The following BBS9 variants were observed in gnomAD, a reference collection of about 807,000 sequenced individuals.
BBS9 encodes the protein Bardet-Biedl syndrome 9.
BBS9 carries 89 observed loss-of-function variants against 117.7 expected under a neutral mutation model. The ratio of observed to expected loss-of-function variants is 0.76; its 90% CI spans 0.64 to 0.90. The LOEUF is 0.90. BBS9 is among the 40% of genes least tolerant of loss of function. The pLI is 0.00. For missense variants in BBS9, 982 were observed against 1,042.2 expected (o/e 0.94, Z 0.80); for synonymous variants, 379 against 370.9 (o/e 1.02, Z -0.25).
intron 10 of BBS9, among the ~76,000 whole-genome samples, chr7:33,337,538 A>G (rs1452252034): frequency 6.6e-6 from 1 of 152,070 alleles, no homozygotes; most frequent in Non-Finnish European, 1.5e-5. Flanking sequence ...GAGATAATAT[A>G]TTTTTAAAAT....
Position 33,460,438 on chromosome 7 carries a change from G to C in BBS9, c.2116-45025G>C, listed in dbSNP as rs1256188973. ...TTTTTAAACCATTTTAGGTACAAGGGAAAATAATTTTGATTTTAAAATGAA... is the reference window on the plus strand; with the variant it reads ...TTTTTAAACCATTTTAGGTACAAGGCAAAATAATTTTGATTTTAAAATGAA... On this transcript the variant is annotated intron_variant, in intron 19 of 22. Transcript: ENST00000242067. Among the ~76,000 whole-genome samples the C allele has an allele frequency of 2.6e-5, 4 of 151,804 alleles. No homozygotes were observed. In the East Asian group the frequency reaches 7.7e-4, roughly 29 times the overall value.
intron 21 of BBS9, among the ~76,000 whole-genome samples, chr7:33,590,310 C>G (rs192035077): frequency 9.9e-4 from 150 of 152,180 alleles, no homozygotes; most frequent in Non-Finnish European, 2.0e-3. Flanking sequence ...GAAGAAAATG[C>G]TGGCATGAAA....
intron 21 of BBS9, among the ~76,000 whole-genome samples, chr7:33,588,631 C>T (rs1861356341): frequency 6.6e-6 from 1 of 152,070 alleles, no homozygotes; most frequent in Non-Finnish European, 1.5e-5. Context: ...GTAGTAAGTG[C>T]TAATGTTAAG....
chr7:33,247,277 T>C (rs1795487730), intron 5 of BBS9, among the ~76,000 whole-genome samples: 1 of 152,178 alleles, frequency 6.6e-6, no homozygotes, highest in African/African-American at 2.4e-5. Flanking sequence ...TTATATTTAA[T>C]CCTTATTGCA....
chr7:33,132,828 T>G (rs1184193383), intron 1 of BBS9, among the ~76,000 whole-genome samples: 1 of 152,184 alleles, frequency 6.6e-6, no homozygotes, highest in East Asian at 1.9e-4. Context: ...TATGGCTAAT[T>G]TTTCATTTTC....
intron 19 of BBS9, among the ~76,000 whole-genome samples, chr7:33,406,420 T>C (rs2128806728): frequency 6.6e-6 from 1 of 152,274 alleles, no homozygotes; most frequent in Non-Finnish European, 1.5e-5. Context: ...AATTGGAGCA[T>C]TTAGTCCATT....
downstream of BBS9, among the ~76,000 whole-genome samples, chr7:33,610,282 TGTAA>T (rs1025903154): frequency 2.6e-5 from 4 of 152,098 alleles, no homozygotes; most frequent in African/African-American, 7.2e-5. Context: ...GGGCAGATTT[TGTAA>T]GTGTCTTATT....
chr7:33,408,390 C>T (rs559340559), intron 19 of BBS9, among the ~76,000 whole-genome samples: 4 of 152,268 alleles, frequency 2.6e-5, no homozygotes, highest in South Asian at 2.1e-4. Context: ...TTGCACTTCC[C>T]GAGTGAGGCA....
intron 3 of BBS9, among the ~76,000 whole-genome samples, chr7:33,153,637 G>A (rs1793680237): frequency 6.6e-6 from 1 of 152,108 alleles, no homozygotes. Context: ...ATTGGCCCCA[G>A]GGGCCATTTA....
chr7:33,229,865 C>G (rs1382623948), intron 5 of BBS9, among the ~76,000 whole-genome samples: 1 of 152,158 alleles, frequency 6.6e-6, no homozygotes, highest in Non-Finnish European at 1.5e-5. Context: ...TATCAATTTA[C>G]ATTTCCACCA....
chr7:33,589,965 C>T (rs910915634), intron 21 of BBS9, among the ~76,000 whole-genome samples: 2 of 151,990 alleles, frequency 1.3e-5, no homozygotes, highest in African/African-American at 4.8e-5. Context: ...AGAGAAGGAA[C>T]CAGCAAAGAA....
chr7:33,313,755 C>T (rs1312233232), intron 9 of BBS9, among the ~76,000 whole-genome samples: 1 of 152,182 alleles, frequency 6.6e-6, no homozygotes, highest in Non-Finnish European at 1.5e-5. Context: ...CCATGTCCCT[C>T]TCATTAAGTA....
At chr7:33,515,448 C>A (rs1847613009) in intron 20 of BBS9, among the ~76,000 whole-genome samples, 1 of 152,140 alleles carries the variant, frequency 6.6e-6, no homozygotes, top group African/African-American at 2.4e-5. Context: ...GCCACTGTTG[C>A]CTTCATGATT....
chr7:33,491,975 G>A (rs1296511739), intron 19 of BBS9, among the ~76,000 whole-genome samples: 1 of 151,994 alleles, frequency 6.6e-6, no homozygotes, highest in African/African-American at 2.4e-5. Context: ...TAAGGTGGGT[G>A]GATCACTTGA....
chr7:33,278,103 G>A (rs1244419506), intron 9 of BBS9, among the ~76,000 whole-genome samples: 1 of 152,182 alleles, frequency 6.6e-6, no homozygotes, highest in African/African-American at 2.4e-5. Flanking sequence ...AGAGGCTAGA[G>A]GGATGTAGGT....
At chr7:33,359,857 A>G (rs1038421299) in intron 16 of BBS9, among the ~76,000 whole-genome samples, 11 of 152,132 alleles carry the variant, frequency 7.2e-5, no homozygotes, top group Non-Finnish European at 1.0e-4. Context: ...TTTTCTTATT[A>G]CAAAAGAAAT....
At chr7:33,373,959 A>G (rs561852453) in intron 17 of BBS9, among the ~76,000 whole-genome samples, 2 of 152,318 alleles carry the variant, frequency 1.3e-5, no homozygotes, top group East Asian at 3.9e-4. Context: ...AAGTGGGAGT[A>G]TTATTTTACT....
chr7:33,559,272 G>A (rs1346508717), intron 21 of BBS9, among the ~76,000 whole-genome samples: 1 of 152,120 alleles, frequency 6.6e-6, no homozygotes, highest in Non-Finnish European at 1.5e-5. Flanking sequence ...CTCAGAAACC[G>A]CAGGGTATTT....
At chr7:33,223,653 A>G (rs1790693161) in intron 5 of BBS9, among the ~76,000 whole-genome samples, 1 of 151,588 alleles carries the variant, frequency 6.6e-6, no homozygotes, top group African/African-American at 2.4e-5. Flanking sequence ...CTAAGCACTT[A>G]CTGTGCTCTC....
Sources: gnomAD v4.1 joint callset for allele counts (sites outside exome capture counted in the v4.1 genomes callset) on GRCh38, gnomAD v4.1.1 for gene constraint, MANE v1.5 for transcripts, NCBI Gene and HGNC (gene_info 2026-07-23, HGNC 2026-07-21) for gene names.